JAKMIP3: variants seen among roughly 807,000 people sequenced by gnomAD.
JAKMIP3 encodes the protein janus kinase and microtubule-interacting protein 3.
JAKMIP3 carries 58 observed loss-of-function variants against 118.5 expected under a neutral mutation model. The ratio of observed to expected loss-of-function variants is 0.49; its 90% CI spans 0.40 to 0.61. The LOEUF is 0.61. Among genes scored for constraint, JAKMIP3 ranks in the 20% least tolerant of loss-of-function variants. The probability of loss-of-function intolerance (pLI) is 0.00; values close to 1 mark genes in which losing one functional copy is unlikely to be tolerated. For synonymous variants in JAKMIP3, 486 were observed against 451.2 expected (o/e 1.08, Z -0.98); for missense variants, 950 against 1,109.0 (o/e 0.86, Z 2.04).
intron 11 of JAKMIP3, among the ~76,000 whole-genome samples, chr10:132,143,065 T>A (rs2053872788): frequency 6.6e-6 from 1 of 151,580 alleles, no homozygotes; most frequent in South Asian, 2.1e-4. Flanking sequence ...CCTGCCTTCC[T>A]GGCACCTCAT....
chr10:132,067,081 C>A (rs376700116), intron 1 of JAKMIP3, among the ~76,000 whole-genome samples: 1 of 151,998 alleles, frequency 6.6e-6, no homozygotes, highest in African/African-American at 2.4e-5. Flanking sequence ...CCTCAGTTCC[C>A]GAGAAGAGCA....
chr10:132,182,436 G>A lies in JAKMIP3; in HGVS notation c.*1183G>A, dbSNP rs1419461385. ...GGGAGACCCGGGACGCAGCCCGGGAGCTTCGTCCAGCCTGTGGATGGAGCC... is the reference window on the plus strand; with the variant it reads ...GGGAGACCCGGGACGCAGCCCGGGAACTTCGTCCAGCCTGTGGATGGAGCC... On this transcript the variant is annotated 3_prime_UTR_variant, in exon 24 of 24. Transcript: ENST00000684848. 6.6e-6 allele frequency: 1 copy of A among 152,256 alleles called. No homozygotes were observed. Among genetic ancestry groups the A allele is most frequent in the Non-Finnish European group, 1.5e-5 (1 of 68,046 alleles). 9.4% of individuals were successfully genotyped at this position (152,256 alleles called of 1,614,324 possible).
chr10:132,039,761 GCCT>G (rs1433704264), intron 1 of JAKMIP3, among the ~76,000 whole-genome samples: 1 of 152,176 alleles, frequency 6.6e-6, no homozygotes, highest in South Asian at 2.1e-4. Flanking sequence ...TTCATTTCTG[GCCT>G]CCTCTCTCGG....
intron 23 of JAKMIP3, among the ~76,000 whole-genome samples, chr10:132,172,007 C>G (rs2059540050): frequency 6.6e-6 from 1 of 152,122 alleles, no homozygotes; most frequent in Non-Finnish European, 1.5e-5. Flanking sequence ...TCAGCCACAC[C>G]CTGGGTTCTG....
chr10:132,069,555 G>T (rs552934872), intron 1 of JAKMIP3, among the ~76,000 whole-genome samples: 1 of 151,978 alleles, frequency 6.6e-6, no homozygotes, highest in African/African-American at 2.4e-5. Flanking sequence ...GTTTGAAGCT[G>T]TCTCACATGT....
chr10:132,103,285 G>A (rs12240713), intron 1 of JAKMIP3, among the ~76,000 whole-genome samples: 34,581 of 150,936 alleles, frequency 0.23, 4,594 homozygotes, highest in African/African-American at 0.38. Context: ...AGCACCGGGG[G>A]TCCTTGACCC....
chr10:132,117,024 G>C lies in JAKMIP3; in HGVS notation c.136-53G>C. On this transcript the variant is annotated intron_variant, in intron 2 of 23. Transcript: ENST00000684848. This position sits in a 1 kb window ranked among gnomAD's most constrained non-coding sequence, Gnocchi z 8.6. ...CCCCCAAATGCACATTCAGGTGTGAGTGTGTGCATGGCTGGAGCTCCTGCC... is the reference window on the plus strand; with the variant it reads ...CCCCCAAATGCACATTCAGGTGTGACTGTGTGCATGGCTGGAGCTCCTGCC... 1 of 1,557,034 alleles carries C rather than the reference G, an allele frequency of 6.4e-7. No homozygotes were observed.
At chr10:132,057,212 C>T (rs1030670118) in intron 1 of JAKMIP3, among the ~76,000 whole-genome samples, 2 of 152,160 alleles carry the variant, frequency 1.3e-5, no homozygotes, top group African/African-American at 2.4e-5. Flanking sequence ...AACATCTGGG[C>T]GCAACCCCCT....
In JAKMIP3 at chr10:132,179,112, C is replaced by T. The variant is rs568469665; in HGVS notation, c.*1104-3245C>T. Among the ~76,000 whole-genome samples the T allele has an allele frequency of 6.6e-6, 1 of 152,348 alleles. No homozygotes were observed. The highest frequency in any genetic ancestry group is 2.4e-5 in the African/African-American group (1 of 41,588). On this transcript the variant is annotated intron_variant, in intron 23 of 23. Transcript: ENST00000684848. This position sits in a 1 kb window ranked among gnomAD's most constrained non-coding sequence, Gnocchi z 4.3. ...TGCCATCTCCTGTCCCTGCTGCCGC[C>T]CTTGGCACTGTCCAATGAGCCAAGT...
At chr10:132,101,142 T>C (rs1440930979) in intron 1 of JAKMIP3, among the ~76,000 whole-genome samples, 1 of 152,166 alleles carries the variant, frequency 6.6e-6, no homozygotes, top group African/African-American at 2.4e-5. Flanking sequence ...CTCCCAGGCC[T>C]GGGACGGGAG....
chr10:132,083,451 T>G (rs924000311), intron 1 of JAKMIP3, among the ~76,000 whole-genome samples: 2 of 152,216 alleles, frequency 1.3e-5, no homozygotes, highest in African/African-American at 4.8e-5. Context: ...GATGTATAGA[T>G]ACTGAAGATT....
At chr10:132,036,407 G>A (rs901006396), upstream of JAKMIP3, among the ~76,000 whole-genome samples, 11 of 152,326 alleles carry the variant, frequency 7.2e-5, no homozygotes, top group South Asian at 1.0e-3. Context: ...CCTGAGCGGC[G>A]GGTGAGTCCC....
chr10:132,094,924 G>T (rs1454290872), intron 1 of JAKMIP3, among the ~76,000 whole-genome samples: 1 of 152,110 alleles, frequency 6.6e-6, no homozygotes, highest in Non-Finnish European at 1.5e-5. Flanking sequence ...GGGGCATGGG[G>T]GTGAGATTCG....
chr10:132,150,725 C>CATGT (rs1207654477), intron 16 of JAKMIP3, among the ~76,000 whole-genome samples: 3 of 152,104 alleles, frequency 2.0e-5, no homozygotes, highest in South Asian at 2.1e-4. Flanking sequence ...CTCCATAATC[C>CATGT]ATCTATCCGT....
chr10:132,127,392 TTGTGTGTGTGTGTGTG>T (rs145559558), intron 3 of JAKMIP3, among the ~76,000 whole-genome samples: 1 of 146,866 alleles, frequency 6.8e-6, no homozygotes, highest in African/African-American at 2.5e-5. Context: ...CTGGCTAATT[TTGTGTGTGTGTGTGTG>T]TGTGTGTGTG....
rs2037747637 is a variant in JAKMIP3 at position 132,041,517 on chromosome 10, T to TAG, written c.-138+4779_-138+4780insAG. ...GAGCCAGTGTGGCCCCTCTGCCGCG[T>TAG]GTCCCCACGCCCTAGGAGGTGCATC... On this transcript the variant is annotated intron_variant, in intron 1 of 23. Transcript: ENST00000657785. Among the ~76,000 whole-genome samples the TAG allele has an allele frequency of 4.6e-5, 7 of 152,362 alleles. No homozygotes were observed. In the South Asian group the frequency reaches 1.4e-3, roughly 32 times the overall value.
At chr10:132,145,704 C>T (rs1199125765) in intron 13 of JAKMIP3, 124 bp downstream of exon 13, 4 of 792,588 alleles carry the variant, frequency 5.0e-6, no homozygotes, top group Non-Finnish European at 8.3e-6. Flanking sequence ...TCCCAGGCCC[C>T]TTCTGCTCTG....
At chr10:132,120,205 T>C (rs1280904237) in intron 3 of JAKMIP3, among the ~76,000 whole-genome samples, 1 of 152,218 alleles carries the variant, frequency 6.6e-6, no homozygotes, top group Non-Finnish European at 1.5e-5. Context: ...TCTCCTTTAT[T>C]TACTGTTTCG....
rs144225577 is a variant in JAKMIP3 at position 132,180,744 on chromosome 10, T to TGCGC, written c.*1104-1607_*1104-1604dup. On this transcript the variant is annotated intron_variant, in intron 23 of 23. Coordinates refer to ENST00000684848, the MANE Select transcript of JAKMIP3 (RefSeq NM_001323087.2). ...GCGTGTGTGTGCGTGTGTGCGTGCG[T>TGCGC]GCGCGCGCGTGTGTGCGTGTGTGTG... Among the ~76,000 whole-genome samples the TGCGC allele has an allele frequency of 9.1e-5, 2 of 21,942 alleles. 1 individual carries two copies. Among genetic ancestry groups the TGCGC allele is most frequent in the Non-Finnish European group, 1.3e-4 (2 of 14,830 alleles). The allele number at this position is 21,942 out of a possible 152,430, so 14.4% of individuals were successfully genotyped here.
Sources: allele counts gnomAD v4.1 joint callset (sites outside exome capture counted in the v4.1 genomes callset), GRCh38; gene constraint gnomAD v4.1.1; non-coding constraint Gnocchi (gnomAD v3.1); transcripts MANE v1.5; gene names NCBI Gene and HGNC (gene_info 2026-07-23, HGNC 2026-07-21).